SCHIP1: variants seen among roughly 807,000 people sequenced by gnomAD.
SCHIP1 encodes schwannomin interacting protein 1, also known as schwannomin-interacting protein 1.
SCHIP1 carries 8 observed loss-of-function variants against 29.7 expected under a neutral mutation model. The observed-to-expected ratio is 0.27, with a 90% CI of 0.16 to 0.49. SCHIP1 has a LOEUF of 0.49. Among genes scored for constraint, SCHIP1 ranks in the 20% least tolerant of loss-of-function variants. SCHIP1 has a pLI of 0.99. For missense variants in SCHIP1, 193 were observed against 294.6 expected (o/e 0.66, Z 2.52); for synonymous variants, 76 against 94.9 (o/e 0.80, Z 1.16).
At chr3:159,843,614 A>G (rs1445306552) in intron 1 of SCHIP1, among the ~76,000 whole-genome samples, 3 of 151,826 alleles carry the variant, frequency 2.0e-5, no homozygotes, top group Non-Finnish European at 2.9e-5. Flanking sequence ...AGGTCAGGAG[A>G]TCGAGACCAT....
the SCHIP1 span, among the ~76,000 whole-genome samples, chr3:159,567,698 G>A: frequency 6.6e-6 from 1 of 152,078 alleles, no homozygotes; most frequent in Non-Finnish European, 1.5e-5. Context: ...TGATAGCTAT[G>A]TATACATACA....
chr3:159,629,056 C>T, the SCHIP1 span, among the ~76,000 whole-genome samples: 1 of 152,040 alleles, frequency 6.6e-6, no homozygotes, highest in African/African-American at 2.4e-5. Context: ...TACATTCTAT[C>T]AATTATACAT....
At chr3:159,712,415 T>G in the SCHIP1 span, among the ~76,000 whole-genome samples, 1 of 152,186 alleles carries the variant, frequency 6.6e-6, no homozygotes, top group African/African-American at 2.4e-5. Context: ...ATAAAGTTGA[T>G]GTCAAGAAAA....
At chr3:159,515,929 A>G in the SCHIP1 span, among the ~76,000 whole-genome samples, 1 of 151,224 alleles carries the variant, frequency 6.6e-6, no homozygotes. Context: ...AGAAAAATAC[A>G]TAGTATTTGT....
chr3:159,869,892 A>G (rs143848906), intron 2 of SCHIP1, among the ~76,000 whole-genome samples: 5 of 152,022 alleles, frequency 3.3e-5, no homozygotes, highest in Admixed American at 1.3e-4. Context: ...GTTTAGACAT[A>G]TTACACATCT....
At chr3:159,369,785 T>C in the SCHIP1 span, among the ~76,000 whole-genome samples, 1 of 152,176 alleles carries the variant, frequency 6.6e-6, no homozygotes, top group African/African-American at 2.4e-5. Flanking sequence ...ATTCAACATA[T>C]GTAGAATGTT....
At chr3:159,281,154 C>G in the SCHIP1 span, among the ~76,000 whole-genome samples, 1 of 152,132 alleles carries the variant, frequency 6.6e-6, no homozygotes, top group Non-Finnish European at 1.5e-5. Context: ...CAAAAGTCGC[C>G]CTTGCCAACT....
At chr3:159,709,533 A>C in the SCHIP1 span, among the ~76,000 whole-genome samples, 1 of 152,180 alleles carries the variant, frequency 6.6e-6, no homozygotes, top group Non-Finnish European at 1.5e-5. Context: ...TTTGCTTCCC[A>C]AAAAAACTGA....
the SCHIP1 span, among the ~76,000 whole-genome samples, chr3:159,725,998 C>A: frequency 0.29 from 44,008 of 151,982 alleles, 9,391 homozygotes; most frequent in African/African-American, 0.6. Context: ...ATTCCATTAG[C>A]TATATTATAA....
At chr3:159,641,333 C>T in the SCHIP1 span, among the ~76,000 whole-genome samples, 1 of 152,080 alleles carries the variant, frequency 6.6e-6, no homozygotes, top group Non-Finnish European at 1.5e-5. Context: ...TATTTTACTG[C>T]ATCAAAGATA....
At chr3:159,676,645 CA>C in the SCHIP1 span, among the ~76,000 whole-genome samples, 3,490 of 152,262 alleles carry the variant, frequency 0.023, 159 homozygotes, top group African/African-American at 0.08. Flanking sequence ...GACTAACCCT[CA>C]AAACCCACAT....
the SCHIP1 span, among the ~76,000 whole-genome samples, chr3:159,557,240 C>T: frequency 2.0e-5 from 3 of 152,136 alleles, no homozygotes; most frequent in Non-Finnish European, 2.9e-5. Flanking sequence ...TTAAATTGTA[C>T]TTATGTAATC....
the SCHIP1 span, among the ~76,000 whole-genome samples, chr3:159,623,590 C>A: frequency 6.6e-6 from 1 of 152,194 alleles, no homozygotes; most frequent in Non-Finnish European, 1.5e-5. Flanking sequence ...CGTGCCACTG[C>A]ACTCCAACCT....
At chr3:159,376,998 A>T in the SCHIP1 span, among the ~76,000 whole-genome samples, 3 of 152,138 alleles carry the variant, frequency 2.0e-5, no homozygotes, top group Non-Finnish European at 2.9e-5. Flanking sequence ...AGGCTAATTG[A>T]CTCATTGTAA....
intron 2 of SCHIP1, among the ~76,000 whole-genome samples, chr3:159,868,004 A>T (rs113821916): frequency 1.1e-3 from 165 of 145,208 alleles, no homozygotes; most frequent in African/African-American, 3.8e-3. Context: ...TCAATGATTT[A>T]TATATATATA....
the SCHIP1 span, among the ~76,000 whole-genome samples, chr3:159,433,692 T>C: frequency 1.3e-5 from 2 of 152,086 alleles, no homozygotes; most frequent in African/African-American, 4.8e-5. Context: ...GTCTGTAAAA[T>C]GGGGAAAATA....
chr3:159,769,517 A>G, the SCHIP1 span, among the ~76,000 whole-genome samples: 2 of 152,222 alleles, frequency 1.3e-5, no homozygotes, highest in Non-Finnish European at 2.9e-5. Context: ...TGGGAGGCCA[A>G]GGCAGGCGGA....
At chr3:159,747,792 C>T in the SCHIP1 span, among the ~76,000 whole-genome samples, 1 of 152,168 alleles carries the variant, frequency 6.6e-6, no homozygotes, top group African/African-American at 2.4e-5. Flanking sequence ...CCTGAAGTTG[C>T]AGAATATATA....
the SCHIP1 span, chr3:159,273,593 C>G: frequency 7.8e-7 from 1 of 1,284,758 alleles, no homozygotes; most frequent in Non-Finnish European, 9.8e-7. Context: ...AGCTCTCGCT[C>G]TTTTTTGCCA....
Sources: allele counts gnomAD v4.1 joint callset (sites outside exome capture counted in the v4.1 genomes callset), GRCh38; gene constraint gnomAD v4.1.1; transcripts MANE v1.5; gene names NCBI Gene and HGNC (gene_info 2026-07-23, HGNC 2026-07-21).